Variants in TRIP12 observed in about 807,000 individuals in gnomAD.
TRIP12 encodes thyroid hormone receptor interactor 12.
TRIP12 carries 25 observed loss-of-function variants against 244.2 expected under a neutral mutation model. The observed-to-expected ratio is 0.10, with a 90% CI of 0.07 to 0.14. The LOEUF is 0.14. TRIP12 is among the 10% of genes least tolerant of loss of function. The pLI, the probability that TRIP12 is intolerant of heterozygous loss-of-function variation, is 1.00. For synonymous variants in TRIP12, 905 were observed against 873.1 expected, an observed-to-expected ratio of 1.04 and a Z score of -0.64; for missense variants, 1,677 against 2,486.4, an observed-to-expected ratio of 0.67 and a Z score of 6.92.
chr2:229,851,036 G>A (rs908349232), intron 4 of TRIP12, among the ~76,000 whole-genome samples: 2 of 152,194 alleles, frequency 1.3e-5, no homozygotes, highest in Non-Finnish European at 2.9e-5. Context: ...AAGCCTCCCC[G>A]ACGAGCGCCG....
intron 5 of TRIP12, 43 bp from the exon 6 acceptor site, chr2:229,837,027 C>T: frequency 6.8e-7 from 1 of 1,472,120 alleles, no homozygotes; most frequent in East Asian, 2.6e-5. Context: ...TACCAGTGAA[C>T]CAGGAGCAAT....
rs1326715939 is a variant in TRIP12, at chr2:229,858,911, A to C, written c.888T>G (p.Thr296=). ...RSSREKEQSK[T]GGSSKFDWAA... is the part of the protein sequence containing the mutation. ...CCCAATCAAATTTTGAAGAGCCACC[A>C]GTTTTACTCTGTTCCTTTTCCCTGC... is the stretch of plus-strand genomic sequence containing the variant. The change falls in exon 4 of 42, where the codon ACT becomes ACG. Residue 296 remains threonine (T), a synonymous_variant. Coordinates refer to ENST00000675903, the MANE Select transcript of TRIP12 (RefSeq NM_001348323.3). The C allele has an allele frequency of 6.2e-7, 1 of 1,614,202 alleles. No individual in the cohort carries two copies. Among genetic ancestry groups the C allele is most frequent in the Non-Finnish European group, 8.5e-7 (1 of 1,180,038 alleles).
chr2:229,882,220 TAAG>T (rs1466425354), intron 1 of TRIP12, among the ~76,000 whole-genome samples: 1 of 152,214 alleles, frequency 6.6e-6, no homozygotes, highest in African/African-American at 2.4e-5. Context: ...CAGTACATGT[TAAG>T]TATTATTATT....
At chr2:229,852,552 G>A (rs2058914491) in intron 4 of TRIP12, among the ~76,000 whole-genome samples, 1 of 151,910 alleles carries the variant, frequency 6.6e-6, no homozygotes, top group Non-Finnish European at 1.5e-5. Flanking sequence ...ACTTACTTAG[G>A]CTAAACAAGA....
In TRIP12 at chr2:229,850,056, T is replaced by G. The variant is rs146038394; in HGVS notation, c.1027+8716A>C. 2.9e-3 allele frequency among the ~76,000 whole-genome samples: 437 copies of G among 152,308 alleles called. 9 individuals are homozygous for G. In the East Asian group the frequency reaches 0.064, roughly 22 times the overall value. On this transcript the variant is annotated intron_variant, in intron 4 of 41. Coordinates refer to ENST00000675903, the MANE Select transcript of TRIP12 (RefSeq NM_001348323.3). The stretch of plus-strand genomic sequence containing the variant: ...AACAAACATATATCAGAATCAGAAG[T>G]GTCAAAACCATTCCAGAATACACGT...
At chr2:229,877,265 C>T (rs1003162748) in intron 2 of TRIP12, among the ~76,000 whole-genome samples, 12 of 151,988 alleles carry the variant, frequency 7.9e-5, no homozygotes, top group African/African-American at 2.4e-4. Flanking sequence ...TTAGGCTGGG[C>T]GCTGTGGCTC....
At chr2:229,788,056 G>A (rs1459686733) in intron 32 of TRIP12, among the ~76,000 whole-genome samples, 1 of 152,148 alleles carries the variant, frequency 6.6e-6, no homozygotes, top group South Asian at 2.1e-4. Flanking sequence ...ACTTGTCTTG[G>A]CCTCCCAAAG....
chr2:229,884,606 A>G (rs2065616062), intron 1 of TRIP12, among the ~76,000 whole-genome samples: 1 of 152,140 alleles, frequency 6.6e-6, no homozygotes, highest in African/African-American at 2.4e-5. Flanking sequence ...AAAAAAACCC[A>G]AAACATTTTT....
At chr2:229,832,993 AAC>A (rs981832832) in intron 6 of TRIP12, among the ~76,000 whole-genome samples, 1 of 152,224 alleles carries the variant, frequency 6.6e-6, no homozygotes, top group African/African-American at 2.4e-5. Context: ...TTAAAAAACA[AAC>A]ACACAGAAAT....
intron 1 of TRIP12, among the ~76,000 whole-genome samples, chr2:229,915,707 A>AT (rs970916942): frequency 4.1e-5 from 5 of 121,414 alleles, no homozygotes; most frequent in Middle Eastern, 3.9e-3. Flanking sequence ...AAAAAAAAAA[A>AT]TTTTTTGAGA....
intron 2 of TRIP12, among the ~76,000 whole-genome samples, chr2:229,869,418 C>CA (rs754816927): frequency 2.6e-5 from 4 of 152,158 alleles, no homozygotes; most frequent in Non-Finnish European, 4.4e-5. Flanking sequence ...GACCACATGT[C>CA]AAAGACAAAT....
intron 5 of TRIP12, among the ~76,000 whole-genome samples, chr2:229,838,630 A>C (rs1345683843): frequency 6.6e-6 from 1 of 152,218 alleles, no homozygotes; most frequent in Non-Finnish European, 1.5e-5. Flanking sequence ...GCTTAAAATT[A>C]ATTTTCAGAC....
intron 4 of TRIP12, among the ~76,000 whole-genome samples, chr2:229,853,701 T>G (rs556682183): frequency 6.8e-6 from 1 of 147,322 alleles, no homozygotes; most frequent in Non-Finnish European, 1.5e-5. Flanking sequence ...CATACATACA[T>G]ACATGACCAT....
In TRIP12 at chr2:229,802,233, C is replaced by G. The variant is rs2044575738; in HGVS notation, c.3206+19G>C. 1 of 1,561,570 alleles carries G rather than the reference C, an allele frequency of 6.4e-7. No homozygotes were observed. Among genetic ancestry groups the G allele is most frequent in the Non-Finnish European group, 8.7e-7 (1 of 1,147,070 alleles). Reference sequence around the variant, plus strand: ...GCTAACAGCAAAGAAATAAAAATCACAACACAATTCTTACTTACCCTTGAG... The same window carrying G: ...GCTAACAGCAAAGAAATAAAAATCAGAACACAATTCTTACTTACCCTTGAG... On this transcript the variant is annotated intron_variant, in intron 21 of 41. Transcript: ENST00000675903.
chr2:229,849,836 TGAA>T (rs954743975), intron 4 of TRIP12, among the ~76,000 whole-genome samples: 3 of 151,538 alleles, frequency 2.0e-5, no homozygotes, highest in African/African-American at 4.9e-5. Flanking sequence ...ATTATCTTCT[TGAA>T]GAAGAAGAAA....
At chr2:229,841,478 C>T (rs1575800731) in intron 4 of TRIP12, among the ~76,000 whole-genome samples, 1 of 152,136 alleles carries the variant, frequency 6.6e-6, no homozygotes, top group Non-Finnish European at 1.5e-5. Flanking sequence ...CAATTAAGCA[C>T]AGTTTACATG....
In TRIP12 at chr2:229,796,747, A is replaced by C; in HGVS notation, c.3660T>G (p.Arg1220=). 6.2e-7 allele frequency: 1 copy of C among 1,601,742 alleles called. No homozygotes were observed. Among genetic ancestry groups the C allele is most frequent in the Non-Finnish European group, 8.5e-7 (1 of 1,176,330 alleles). Reference sequence around the variant, plus strand: ...AAACATCTGACTCTGAGACTATGCTACGGATTTCTACAAGGCACTCAGCTC... The same window carrying C: ...AAACATCTGACTCTGAGACTATGCTCCGGATTTCTACAAGGCACTCAGCTC... ...DGGAECLVEI[R]SIVSESDVSS... The change falls in exon 25 of 42, where the codon CGT becomes CGG. Residue 1220 remains arginine, a synonymous_variant. Transcript: ENST00000675903.
intron 1 of TRIP12, 146 bp downstream of exon 1, chr2:229,921,734 G>A (rs1302883112): frequency 6.6e-6 from 1 of 151,892 alleles, no homozygotes; most frequent in African/African-American, 2.4e-5. Context: ...GCCGGGAGCA[G>A]GCCAAGCGGG....
intron 6 of TRIP12, among the ~76,000 whole-genome samples, chr2:229,833,216 G>A (rs1005184512): frequency 2.0e-5 from 3 of 152,158 alleles, no homozygotes; most frequent in Admixed American, 2.0e-4. Flanking sequence ...ACCTATAGAA[G>A]AACATAATTA....
Sources: allele counts gnomAD v4.1 joint callset (sites outside exome capture counted in the v4.1 genomes callset), GRCh38; gene constraint gnomAD v4.1.1; transcripts MANE v1.5; gene names NCBI Gene and HGNC (gene_info 2026-07-23, HGNC 2026-07-21).